The following RNF10 variants were observed in gnomAD, a reference collection of about 807,000 sequenced individuals.
RNF10 encodes E3 ubiquitin-protein ligase RNF10.
A neutral mutation model predicts 91.4 loss-of-function variants in RNF10; 38 were observed. The ratio of observed to expected loss-of-function variants is 0.42; its 90% CI spans 0.32 to 0.54. The LOEUF is 0.54. Among genes scored for constraint, RNF10 ranks in the 20% least tolerant of loss-of-function variants. The probability of loss-of-function intolerance (pLI) is 0.16; values close to 1 mark genes in which losing one functional copy is unlikely to be tolerated. For missense variants in RNF10, 945 were observed against 1,012.0 expected, an observed-to-expected ratio of 0.93 and a Z score of 0.90; for synonymous variants, 364 against 366.3, an observed-to-expected ratio of 0.99 and a Z score of 0.07.
chr12:120,575,272 C>T (rs1877236690), intron 14 of RNF10: 1 of 262,260 alleles, frequency 3.8e-6, no homozygotes, highest in African/African-American at 2.3e-5. Context: ...ACTGCTTCCT[C>T]CGACAGCTCG....
intron 1 of RNF10, among the ~76,000 whole-genome samples, chr12:120,544,924 CA>C (rs1872090028): frequency 6.6e-6 from 1 of 151,956 alleles, no homozygotes; most frequent in African/African-American, 2.4e-5. Flanking sequence ...AGTATGTGGC[CA>C]AGAAGGGTAC....
chr12:120,542,279 T>C (rs2137136993), intron 1 of RNF10, among the ~76,000 whole-genome samples: 1 of 152,252 alleles, frequency 6.6e-6, no homozygotes, highest in East Asian at 1.9e-4. Context: ...CAACTCAGCC[T>C]CTCAGCTAGG....
At chr12:120,553,351 G>A (rs1390811550) in intron 3 of RNF10, among the ~76,000 whole-genome samples, 3 of 149,668 alleles carry the variant, frequency 2.0e-5, no homozygotes, top group Non-Finnish European at 4.4e-5. Flanking sequence ...GCCTCCCAAA[G>A]TGCTGGGATT....
At chr12:120,558,162 G>A (rs1874307098) in intron 6 of RNF10, among the ~76,000 whole-genome samples, 1 of 152,132 alleles carries the variant, frequency 6.6e-6, no homozygotes, top group Admixed American at 6.5e-5. Flanking sequence ...AAATGGTATT[G>A]AAACAATTGA....
chr12:120,545,316 G>T (rs961331087), intron 1 of RNF10, among the ~76,000 whole-genome samples: 1 of 151,446 alleles, frequency 6.6e-6, no homozygotes, highest in Admixed American at 6.6e-5. Context: ...CGAGTAGCTG[G>T]GACTACAGGT....
At chr12:120,538,756 A>G (rs1165807094) in intron 1 of RNF10, among the ~76,000 whole-genome samples, 1 of 152,070 alleles carries the variant, frequency 6.6e-6, no homozygotes, top group Admixed American at 6.6e-5. Context: ...ACTGCCAGGG[A>G]GGTTAAGGGA....
intron 13 of RNF10, among the ~76,000 whole-genome samples, chr12:120,569,919 C>CT (rs1417890158): frequency 2.6e-5 from 4 of 151,800 alleles, no homozygotes; most frequent in African/African-American, 7.3e-5. Context: ...TGGATGGAGT[C>CT]TGTCTCTCTG....
intron 1 of RNF10, among the ~76,000 whole-genome samples, chr12:120,542,347 T>A (rs1871695944): frequency 6.6e-6 from 1 of 152,108 alleles, no homozygotes; most frequent in African/African-American, 2.4e-5. Context: ...AGAGATGGGG[T>A]CTTGCTATGT....
At chr12:120,545,148 CATATT>C (rs748591628) in intron 1 of RNF10, among the ~76,000 whole-genome samples, 7 of 152,150 alleles carry the variant, frequency 4.6e-5, no homozygotes, top group African/African-American at 9.6e-5. Flanking sequence ...GAATTGAACA[CATATT>C]ATAATTGAAG....
chr12:120,548,959 C>T (rs547180740), intron 2 of RNF10, among the ~76,000 whole-genome samples: 4 of 152,198 alleles, frequency 2.6e-5, no homozygotes, highest in South Asian at 4.1e-4. Context: ...CATGAGCCAC[C>T]GCGCCCGGCT....
intron 1 of RNF10, among the ~76,000 whole-genome samples, chr12:120,538,969 G>T (rs1472991255): frequency 6.6e-6 from 1 of 152,152 alleles, no homozygotes; most frequent in Non-Finnish European, 1.5e-5. Context: ...ACCACTTAGA[G>T]AAATTAAAAG....
chr12:120,560,688 A>C lies in RNF10; in HGVS notation c.968-38A>C, dbSNP rs751658901. 8 of 1,594,572 alleles carry C rather than the reference A, an allele frequency of 5.0e-6. 1 individual carries two copies. In the South Asian group the frequency reaches 8.9e-5, roughly 18 times the overall value. ...TTTAGCTACACCATCGTGAGCTTTG[A>C]ATGTTGCATTTCTTTGATCTTGCTG... On this transcript the variant is annotated intron_variant, in intron 6 of 16. Transcript: ENST00000325954.
intron 2 of RNF10, 64 bp downstream of exon 2, chr12:120,546,665 C>G (rs997200703): frequency 7.1e-7 from 1 of 1,417,024 alleles, no homozygotes; most frequent in Non-Finnish European, 9.7e-7. Context: ...TCCCCCGTCC[C>G]CCAGTTTATC....
intron 13 of RNF10, among the ~76,000 whole-genome samples, chr12:120,567,873 G>A (rs1876009031): frequency 6.6e-6 from 1 of 151,980 alleles, no homozygotes; most frequent in Non-Finnish European, 1.5e-5. Context: ...GTGTGTGTGT[G>A]TGTGTGTGTA....
chr12:120,557,156 T>G, intron 4 of RNF10, 126 bp from the exon 5 acceptor site: 1 of 772,298 alleles, frequency 1.3e-6, no homozygotes, highest in South Asian at 1.8e-5. Flanking sequence ...AAAGATATGT[T>G]GAGTATAAGG....
intron 4 of RNF10, among the ~76,000 whole-genome samples, chr12:120,557,033 A>G (rs967063167): frequency 6.8e-6 from 1 of 147,246 alleles, no homozygotes; most frequent in African/African-American, 2.5e-5. Flanking sequence ...AGTCCCAGCT[A>G]CTCCAGAGGC....
intron 1 of RNF10, among the ~76,000 whole-genome samples, chr12:120,540,184 A>G (rs1871350238): frequency 6.6e-6 from 1 of 151,624 alleles, no homozygotes; most frequent in Non-Finnish European, 1.5e-5. Flanking sequence ...GCTGGTCTCA[A>G]ATTCCTGGCT....
chr12:120,546,125 G>A (rs1872294684), intron 1 of RNF10, among the ~76,000 whole-genome samples: 2 of 152,184 alleles, frequency 1.3e-5, no homozygotes, highest in South Asian at 4.1e-4. Context: ...CAGTGGTTAA[G>A]CTGTGTAAAG....
At chr12:120,575,591 T>TA in intron 14 of RNF10, 40 bp from the exon 15 acceptor site, 2 of 1,612,100 alleles carry the variant, frequency 1.2e-6, no homozygotes, top group South Asian at 2.2e-5. Context: ...TTGGACCAGC[T>TA]ACTTAAATTC....
Sources: allele counts gnomAD v4.1 joint callset (sites outside exome capture counted in the v4.1 genomes callset), GRCh38; gene constraint gnomAD v4.1.1; transcripts MANE v1.5; gene names NCBI Gene and HGNC (gene_info 2026-07-23, HGNC 2026-07-21).